LRP4: variants seen among roughly 807,000 people sequenced by gnomAD.
The protein encoded by LRP4 is LDL receptor related protein 4, also known as low-density lipoprotein receptor-related protein 4.
LRP4 carries 95 observed loss-of-function variants against 220.3 expected under a neutral mutation model. The ratio of observed to expected loss-of-function variants is 0.43; its 90% CI spans 0.37 to 0.51. The LOEUF (loss-of-function observed/expected upper bound fraction) is 0.51, where lower values mean the gene tolerates loss of function less well. LRP4 is among the 20% of genes least tolerant of loss of function. The pLI, the probability that LRP4 is intolerant of heterozygous loss-of-function variation, is 0.00. For synonymous variants in LRP4, 903 were observed against 954.6 expected, an observed-to-expected ratio of 0.95 and a Z score of 1.00; for missense variants, 1,925 against 2,567.0, an observed-to-expected ratio of 0.75 and a Z score of 5.40.
chr11:46,876,167 C>T (rs1941009484), intron 25 of LRP4, among the ~76,000 whole-genome samples: 1 of 152,168 alleles, frequency 6.6e-6, no homozygotes, highest in African/African-American at 2.4e-5. Context: ...ATTTTCACTA[C>T]CACCTCCATT....
At chr11:46,870,484 G>A (rs1940832925) in intron 31 of LRP4, among the ~76,000 whole-genome samples, 2 of 152,056 alleles carry the variant, frequency 1.3e-5, no homozygotes, top group African/African-American at 4.8e-5. Context: ...GAGCACAGTG[G>A]TACAAATGTA....
Position 46,895,225 on chromosome 11 carries a change from T to C in LRP4, c.1250A>G (p.Gln417Arg). ...TTCATAGCCTGTTTCACACCAGCATTGGAAAGCCCCTTCGCTGTTGGTGCA... is the reference window on the plus strand; with the variant it reads ...TTCATAGCCTGTTTCACACCAGCATCGGAAAGCCCCTTCGCTGTTGGTGCA... ...QGCTNSEGAFQCWCETGYELR... is the reference protein window; with the variant it reads ...QGCTNSEGAFRCWCETGYELR... Residue 417 changes from glutamine to arginine, a missense_variant, in exon 11 of 38, where the codon CAA becomes CGA. Coordinates refer to ENST00000378623, the MANE Select transcript of LRP4 (RefSeq NM_002334.4). 1 of 1,614,128 alleles carries C rather than the reference T, an allele frequency of 6.2e-7. No homozygotes were observed. Among genetic ancestry groups the C allele is most frequent in the Non-Finnish European group, 8.5e-7 (1 of 1,180,040 alleles).
intron 37 of LRP4, among the ~76,000 whole-genome samples, chr11:46,860,379 A>T (rs1940513473): frequency 6.6e-6 from 1 of 152,120 alleles, no homozygotes; most frequent in African/African-American, 2.4e-5. Flanking sequence ...GAGTCCTGGG[A>T]CCATTCCCAA....
At chr11:46,881,067 A>C (rs917041315) in intron 20 of LRP4, among the ~76,000 whole-genome samples, 1 of 140,984 alleles carries the variant, frequency 7.1e-6, no homozygotes, top group African/African-American at 2.5e-5. Flanking sequence ...CCAAAAAAAA[A>C]AAAAAAAAAA....
chr11:46,910,353 C>T (rs1038021601), intron 1 of LRP4, among the ~76,000 whole-genome samples: 1 of 152,154 alleles, frequency 6.6e-6, no homozygotes, highest in East Asian at 1.9e-4. Context: ...ATAAAATCCC[C>T]TAACTTACAG....
chr11:46,886,664 CT>C, intron 16 of LRP4, 131 bp from the exon 17 acceptor site: 3 of 757,856 alleles, frequency 4.0e-6, no homozygotes, highest in Non-Finnish European at 6.9e-6. Flanking sequence ...GCCCCCTATA[CT>C]TTATACCTCA....
intron 25 of LRP4, 50 bp from the exon 26 acceptor site, chr11:46,876,016 C>A: frequency 6.4e-7 from 1 of 1,571,742 alleles, no homozygotes; most frequent in Non-Finnish European, 8.8e-7. Flanking sequence ...CCAGCAGCTA[C>A]CACATACCAT....
intron 20 of LRP4, 75 bp downstream of exon 20, chr11:46,881,627 C>T: frequency 2.1e-6 from 3 of 1,430,362 alleles, no homozygotes; most frequent in Admixed American, 1.7e-5. Context: ...CCAAAAAGTA[C>T]TGTCCTGGAG....
At chr11:46,909,731 T>TTGAA (rs369210630) in intron 1 of LRP4, among the ~76,000 whole-genome samples, 4,227 of 150,196 alleles carry the variant, frequency 0.028, 132 homozygotes, top group African/African-American at 0.079. Context: ...TACAAGTTCG[T>TTGAA]TGAATGAATG....
chr11:46,889,371 C>T, intron 16 of LRP4, 40 bp downstream of exon 16: 1 of 1,612,470 alleles, frequency 6.2e-7, no homozygotes, highest in South Asian at 1.1e-5. Flanking sequence ...CCCATCCTCA[C>T]AACAGCCTCC....
chr11:46,903,899 C>T lies in LRP4; in HGVS notation c.53-970G>A, dbSNP rs796457051. Among the ~76,000 whole-genome samples the T allele has an allele frequency of 4.3e-4, 65 of 152,350 alleles. 1 individual carries two copies. Among genetic ancestry groups the T allele is most frequent in the African/African-American group, 1.5e-3 (61 of 41,598 alleles). ...AGCCTCTCCCCCGGCTTCAGCAGCACGCAGCTGGGCTTCCCTATTGAGCAT... is the reference window on the plus strand; with the variant it reads ...AGCCTCTCCCCCGGCTTCAGCAGCATGCAGCTGGGCTTCCCTATTGAGCAT... On this transcript the variant is annotated intron_variant, in intron 1 of 37. Coordinates refer to ENST00000378623, the MANE Select transcript of LRP4 (RefSeq NM_002334.4).
At chr11:46,913,978 T>C (rs1941910140) in intron 1 of LRP4, among the ~76,000 whole-genome samples, 1 of 152,106 alleles carries the variant, frequency 6.6e-6, no homozygotes, top group African/African-American at 2.4e-5. Context: ...AGTCTCAATT[T>C]TAGCACAGAA....
chr11:46,898,585 C>A lies in LRP4; in HGVS notation c.769G>T (p.Asp257Tyr). 1 of 1,614,204 alleles carries A rather than the reference C, an allele frequency of 6.2e-7. No individual in the cohort carries two copies. Among genetic ancestry groups the A allele is most frequent in the South Asian group, 1.1e-5 (1 of 91,084 alleles). Residue 257 changes from aspartate to tyrosine, a missense_variant, in exon 7 of 38, where the codon GAT becomes TAT. Asp to Tyr is a radical substitution (Grantham distance 160). This residue lies in a region of LRP4 where 412 missense variants were observed against 505.4 expected (regional missense o/e 0.82). Transcript: ENST00000378623. ...CAGTTGCGCTCATCAGACTGGTCATCACAGTCCGCGTCACCATCGCAGCGC... is the reference window on the plus strand; with the variant it reads ...CAGTTGCGCTCATCAGACTGGTCATAACAGTCCGCGTCACCATCGCAGCGC... ...GWRCDGDADCDDQSDERNCTT... is the reference protein window; with the variant it reads ...GWRCDGDADCYDQSDERNCTT...
chr11:46,906,645 T>C (rs968255586), intron 1 of LRP4, among the ~76,000 whole-genome samples: 1 of 152,068 alleles, frequency 6.6e-6, no homozygotes, highest in African/African-American at 2.4e-5. Context: ...AGTACCAGAA[T>C]AGAGCAAGTA....
chr11:46,885,051 T>A (rs1299556929), intron 18 of LRP4, among the ~76,000 whole-genome samples: 1 of 152,166 alleles, frequency 6.6e-6, no homozygotes, highest in Non-Finnish European at 1.5e-5. Context: ...AGTGGTGTGA[T>A]CATGGCTCAC....
Position 46,889,499 on chromosome 11 carries a change from G to C in LRP4, c.2127C>G (p.Cys709Trp). 1 of 1,614,064 alleles carries C rather than the reference G, an allele frequency of 6.2e-7. No individual in the cohort carries two copies. Among genetic ancestry groups the C allele is most frequent in the Non-Finnish European group, 8.5e-7 (1 of 1,180,028 alleles). ...KNRCGDNNGG[C>W]THLCLPSGQN... ...GGCCACTGGGCAGACACAGGTGCGT[G>C]CAGCCTCCGTTGTTGTCCCCACAGC... The change falls in exon 16 of 38, where the codon TGC becomes TGG. Residue 709 changes from cysteine to tryptophan, a missense_variant. By Grantham distance (215) the Cys-to-Trp change is radical (BLOSUM62 -2). Coordinates refer to ENST00000378623, the MANE Select transcript of LRP4 (RefSeq NM_002334.4).
At chr11:46,885,867 C>T (rs1195905744) in intron 18 of LRP4, among the ~76,000 whole-genome samples, 1 of 152,148 alleles carries the variant, frequency 6.6e-6, no homozygotes, top group African/African-American at 2.4e-5. Context: ...AAACACTCCC[C>T]AGCATCAGCT....
At chr11:46,913,401 A>C (rs1049204421) in intron 1 of LRP4, among the ~76,000 whole-genome samples, 1 of 152,162 alleles carries the variant, frequency 6.6e-6, no homozygotes, top group Admixed American at 6.5e-5. Context: ...CAACTTAAAA[A>C]GAAGAAACAA....
chr11:46,893,245 C>T, intron 12 of LRP4, 116 bp from the exon 13 acceptor site: 1 of 920,178 alleles, frequency 1.1e-6, no homozygotes, highest in Admixed American at 1.9e-5. Flanking sequence ...CTATTGTCAT[C>T]ACTTCAGATA....
Sources: gnomAD v4.1 joint callset for allele counts (sites outside exome capture counted in the v4.1 genomes callset) on GRCh38, gnomAD v4.1.1 for gene constraint, gnomAD v4.1.1 regional missense constraint, MANE v1.5 for transcripts, NCBI Gene and HGNC (gene_info 2026-07-23, HGNC 2026-07-21) for gene names.